CTNNA2: variants seen among roughly 807,000 people sequenced by gnomAD.
CTNNA2 encodes catenin alpha 2.
CTNNA2 carries 42 observed loss-of-function variants against 101.0 expected under a neutral mutation model. The observed-to-expected ratio is 0.42, with a 90% CI of 0.32 to 0.54. The LOEUF is 0.54. Ranked by LOEUF, CTNNA2 falls within the 20% of genes least tolerant of loss-of-function variation. CTNNA2 has a pLI of 0.14. For missense variants in CTNNA2, 871 were observed against 1,223.1 expected, an observed-to-expected ratio of 0.71 and a Z score of 4.29; for synonymous variants, 450 against 456.4, an observed-to-expected ratio of 0.99 and a Z score of 0.18.
At chr2:79,586,591 A>G (rs1676506427) in intron 1 of CTNNA2, among the ~76,000 whole-genome samples, 2 of 149,802 alleles carry the variant, frequency 1.3e-5, no homozygotes, top group Admixed American at 1.3e-4. Flanking sequence ...TTTATTTTTA[A>G]ACCATTCACA....
Position 79,185,532 on chromosome 2 carries a change from G to C in CTNNA2, c.-524+101G>C, listed in dbSNP as rs375912414. On this transcript the variant is annotated intron_variant, in intron 1 of 21. Transcript: ENST00000466387. ...AGAATGTCCTGTATTTATAAATGAT[G>C]ATGAGGATAGAGAGTAAATATTTTG... 1.1e-4 allele frequency: 16 copies of C among 152,294 alleles called. No individual in the cohort carries two copies. In the East Asian group the frequency reaches 1.9e-3, roughly 18 times the overall value. 9.4% of individuals were successfully genotyped at this position (152,294 alleles called of 1,614,324 possible). A position where few individuals can be genotyped will look rare whatever the true frequency, so the allele number is the denominator to read the frequency against.
intron 9 of CTNNA2, among the ~76,000 whole-genome samples, chr2:80,508,546 G>A (rs1016979386): frequency 3.3e-5 from 5 of 151,766 alleles, no homozygotes; most frequent in South Asian, 2.1e-4. Flanking sequence ...TAAGGAATCC[G>A]TAGCTTTACC....
At chr2:79,829,751 GCT>G (rs374383090) in intron 3 of CTNNA2, among the ~76,000 whole-genome samples, 5,064 of 149,218 alleles carry the variant, frequency 0.034, 144 homozygotes, top group Middle Eastern at 0.062. Flanking sequence ...ACGGAGTCTC[GCT>G]CTGTCGCCCA....
In CTNNA2 at chr2:80,632,491, G is replaced by T. The variant is rs761144744; in HGVS notation, c.2574+13263G>T. On this transcript the variant is annotated intron_variant, in intron 18 of 18. Coordinates refer to ENST00000402739, the MANE Select transcript of CTNNA2 (RefSeq NM_001282597.3). ...CTGCACTCCAAAGCCAAATTTGAGG[G>T]CCCCAAGCATGTTTCCTGTGTTCTA... Among the ~76,000 whole-genome samples, 4 of 152,140 alleles carry T rather than the reference G, an allele frequency of 2.6e-5. No homozygotes were observed. The South Asian group carries it at 8.3e-4, about 32-fold the overall frequency.
chr2:80,524,734 G>T (rs143022146), intron 9 of CTNNA2, among the ~76,000 whole-genome samples: 91 of 152,230 alleles, frequency 6.0e-4, no homozygotes, highest in African/African-American at 2.1e-3. Context: ...CTAGGGACCT[G>T]TGTATCTTTG....
intron 7 of CTNNA2, among the ~76,000 whole-genome samples, chr2:80,272,688 A>G (rs927002402): frequency 2.0e-5 from 3 of 152,188 alleles, no homozygotes; most frequent in African/African-American, 7.2e-5. Flanking sequence ...ACCTAGTTAA[A>G]TTTTAATTTC....
intron 6 of CTNNA2, among the ~76,000 whole-genome samples, chr2:79,895,833 C>G (rs2104244463): frequency 6.6e-6 from 1 of 152,022 alleles, no homozygotes; most frequent in African/African-American, 2.4e-5. Flanking sequence ...TTATTATTAG[C>G]TTTATAAGCT....
chr2:79,987,260 C>A (rs1368915), intron 7 of CTNNA2, among the ~76,000 whole-genome samples: 29,959 of 152,114 alleles, frequency 0.2, 3,750 homozygotes, highest in Admixed American at 0.31. Flanking sequence ...TCTGCAGGGT[C>A]TGTGTGTGAG....
intron 2 of CTNNA2, among the ~76,000 whole-genome samples, chr2:79,673,557 A>G (rs142324402): frequency 7.2e-5 from 11 of 152,340 alleles, no homozygotes; most frequent in African/African-American, 2.4e-4. Flanking sequence ...TTCCTCTGTG[A>G]ATACAAAATA....
At chr2:79,628,989 T>A (rs546052909) in intron 1 of CTNNA2, among the ~76,000 whole-genome samples, 1 of 152,362 alleles carries the variant, frequency 6.6e-6, no homozygotes, top group East Asian at 1.9e-4. Context: ...TTAGCTCTAC[T>A]GCTGAAAATT....
At chr2:80,393,373 G>A in intron 8 of CTNNA2, 82 bp downstream of exon 8, 1 of 979,670 alleles carries the variant, frequency 1.0e-6, no homozygotes, top group Non-Finnish European at 1.6e-6. Flanking sequence ...TGTCTTCTTG[G>A]AGATGACAAT....
chr2:80,101,822 T>G (rs773022716), intron 7 of CTNNA2, among the ~76,000 whole-genome samples: 3 of 152,160 alleles, frequency 2.0e-5, no homozygotes, highest in Non-Finnish European at 4.4e-5. Context: ...TTCAAGTACA[T>G]AGATTCCCAA....
At chr2:79,305,231 TAC>T (rs141487181) in intron 2 of CTNNA2, among the ~76,000 whole-genome samples, 4 of 150,240 alleles carry the variant, frequency 2.7e-5, no homozygotes, top group Admixed American at 1.3e-4. Context: ...AATATATATA[TAC>T]ACACACACAC....
At chr2:80,554,779 G>A (rs968238566) in intron 11 of CTNNA2, among the ~76,000 whole-genome samples, 1 of 152,148 alleles carries the variant, frequency 6.6e-6, no homozygotes, top group African/African-American at 2.4e-5. Flanking sequence ...GTATGTGTGT[G>A]TTCAGCTTAT....
At chr2:80,371,511 C>CAG (rs1375440832) in intron 7 of CTNNA2, among the ~76,000 whole-genome samples, 2 of 149,966 alleles carry the variant, frequency 1.3e-5, no homozygotes, top group African/African-American at 4.9e-5. Context: ...CATACACACA[C>CAG]ACACACACAC....
At chr2:79,994,283 C>A (rs1031080434) in intron 7 of CTNNA2, among the ~76,000 whole-genome samples, 1 of 152,194 alleles carries the variant, frequency 6.6e-6, no homozygotes, top group Non-Finnish European at 1.5e-5. Flanking sequence ...GAGCCACAGA[C>A]CCGTCCTGGG....
intron 7 of CTNNA2, among the ~76,000 whole-genome samples, chr2:79,953,484 T>A (rs1689020701): frequency 6.6e-6 from 1 of 152,188 alleles, no homozygotes; most frequent in Non-Finnish European, 1.5e-5. Flanking sequence ...AGCCAATTTG[T>A]ATGACTGTTT....
chr2:79,541,988 C>A (rs949144165), intron 1 of CTNNA2, among the ~76,000 whole-genome samples: 4 of 152,084 alleles, frequency 2.6e-5, no homozygotes, highest in African/African-American at 9.7e-5. Flanking sequence ...TTTCATAATG[C>A]TAGAAAACTA....
In CTNNA2 at chr2:79,449,143, C is replaced by A. The variant is rs191827916; in HGVS notation, c.-134-55911C>A. On this transcript the variant is annotated intron_variant, in intron 4 of 21. Transcript: ENST00000466387. ...AAAAAGGGGTTTTAAAATGAAAGAT[C>A]CAGGTTATAAAAATCTTTACAGGAA... Among the ~76,000 whole-genome samples, 171 of 152,028 alleles carry A rather than the reference C, an allele frequency of 1.1e-3. 1 individual carries two copies. The highest frequency in any genetic ancestry group is 0.01 in the Admixed American group (159 of 15,252).
Sources: gnomAD v4.1 joint callset for allele counts (sites outside exome capture counted in the v4.1 genomes callset) on GRCh38, gnomAD v4.1.1 for gene constraint, MANE v1.5 for transcripts, NCBI Gene and HGNC (gene_info 2026-07-23, HGNC 2026-07-21) for gene names.